GOLIM4: variants seen among roughly 807,000 people sequenced by gnomAD.
The protein encoded by GOLIM4 is 130 kDa golgi-localized phosphoprotein.
A neutral mutation model predicts 107.4 loss-of-function variants in GOLIM4; 71 were observed. The observed-to-expected ratio is 0.66, with a 90% CI of 0.55 to 0.81. GOLIM4 has a LOEUF of 0.81. Ranked by LOEUF, GOLIM4 falls within the 30% of genes least tolerant of loss-of-function variation. The pLI is 0.00. For synonymous variants in GOLIM4, 327 were observed against 294.8 expected, an observed-to-expected ratio of 1.11 and a Z score of -1.12; for missense variants, 830 against 826.1, an observed-to-expected ratio of 1.00 and a Z score of -0.06.
intron 12 of GOLIM4, 52 bp downstream of exon 12, chr3:168,027,676 T>C (rs1451744860): frequency 4.5e-6 from 5 of 1,107,668 alleles, no homozygotes; most frequent in Non-Finnish European, 6.9e-6. Flanking sequence ...TTCAACTCTC[T>C]TTCCCACCTT....
intron 14 of GOLIM4, among the ~76,000 whole-genome samples, chr3:168,023,562 T>A (rs932074819): frequency 6.6e-6 from 1 of 152,198 alleles, no homozygotes; most frequent in Non-Finnish European, 1.5e-5. Flanking sequence ...GCACAGGATC[T>A]CCAGTGATGG....
At chr3:168,076,712 A>G (rs1040904844) in intron 1 of GOLIM4, among the ~76,000 whole-genome samples, 2 of 152,164 alleles carry the variant, frequency 1.3e-5, no homozygotes, top group African/African-American at 4.8e-5. Context: ...CAATCAATCA[A>G]TCAATAAAAT....
intron 14 of GOLIM4, among the ~76,000 whole-genome samples, chr3:168,012,519 G>A (rs1227797886): frequency 7.1e-6 from 1 of 139,884 alleles, no homozygotes; most frequent in Non-Finnish European, 1.5e-5. Flanking sequence ...CCAACGTTCA[G>A]ATTCAGGAAA....
chr3:168,029,016 G>A (rs897264801), intron 11 of GOLIM4, among the ~76,000 whole-genome samples: 1 of 152,154 alleles, frequency 6.6e-6, no homozygotes, highest in East Asian at 1.9e-4. Flanking sequence ...CAGGGAAAAT[G>A]ATAGAGAGGA....
rs766316406 is a variant in GOLIM4, at chr3:168,044,843, T to C, written c.351A>G (p.Gln117=). The change falls in exon 4 of 16, where the codon CAA becomes CAG. Residue 117 remains glutamine (Q), a synonymous_variant. Transcript: ENST00000470487. ...GATTACTCACTTTCAACATCTGATG[T>C]TGGACATTCAGTGCACTGTATCTGC... ...SNSRYSALNV[Q]HQMLKSQHEE... is the part of the protein sequence containing the mutation. 9 of 1,561,506 alleles carry C rather than the reference T, an allele frequency of 5.8e-6. No individual in the cohort carries two copies. The highest frequency in any genetic ancestry group is 7.8e-6 in the Non-Finnish European group (9 of 1,149,064).
chr3:168,024,480 T>C (rs1273026446), intron 14 of GOLIM4, 46 bp downstream of exon 14: 1 of 1,258,180 alleles, frequency 7.9e-7, no homozygotes, highest in Non-Finnish European at 1.2e-6. Context: ...GGTTAGTGTG[T>C]GTGACAGACC....
rs1718082311 is a variant in GOLIM4, at chr3:168,027,801, T to C, written c.1550A>G (p.Glu517Gly). The change falls in exon 12 of 16, where the codon GAA (glutamate) becomes GGA (glycine). Residue 517 changes from glutamate (E) to glycine (G), a missense_variant. By Grantham distance (98) the Glu-to-Gly change is moderately conservative. Coordinates refer to ENST00000470487, the MANE Select transcript of GOLIM4 (RefSeq NM_014498.5). ...CTCATGTCTATTACCTGGATCTCCT[T>C]CTGCTTCATCTTGGTGCTGGTTGTC... ...ERDNQHQDEA[E>G]GDPGNRHEPR... The C allele has an allele frequency of 6.2e-7, 1 of 1,613,426 alleles. No homozygotes were observed. Among genetic ancestry groups the C allele is most frequent in the Non-Finnish European group, 8.5e-7 (1 of 1,179,382 alleles).
chr3:168,045,383 C>T (rs1462599417), intron 3 of GOLIM4, among the ~76,000 whole-genome samples: 2 of 152,042 alleles, frequency 1.3e-5, no homozygotes, highest in Admixed American at 1.3e-4. Flanking sequence ...ATGATTTTAC[C>T]CCAGTGAGGC....
intron 1 of GOLIM4, among the ~76,000 whole-genome samples, chr3:168,056,582 C>G (rs574906467): frequency 1.0e-3 from 153 of 152,296 alleles, no homozygotes; most frequent in African/African-American, 3.6e-3. Flanking sequence ...GCCAAAGGGG[C>G]GGAGCTGCCC....
At chr3:168,051,440 T>C (rs1427118282) in intron 1 of GOLIM4, among the ~76,000 whole-genome samples, 1 of 152,182 alleles carries the variant, frequency 6.6e-6, no homozygotes, top group African/African-American at 2.4e-5. Context: ...AGTTATAAAC[T>C]TTCATAAATA....
At chr3:168,036,487 A>G (rs1577524452) in intron 8 of GOLIM4, among the ~76,000 whole-genome samples, 2 of 152,226 alleles carry the variant, frequency 1.3e-5, no homozygotes, top group Non-Finnish European at 2.9e-5. Context: ...GGTTGCAGTG[A>G]GCTAAGATTG....
chr3:168,056,601 G>A (rs1305787260), intron 1 of GOLIM4, among the ~76,000 whole-genome samples: 2 of 152,202 alleles, frequency 1.3e-5, no homozygotes, highest in African/African-American at 4.8e-5. Flanking sequence ...CCAAGACCAT[G>A]TGAACCCACC....
chr3:168,029,239 G>A lies in GOLIM4; in HGVS notation c.1497C>T (p.Ile499=). Residue 499 remains isoleucine, a synonymous_variant, in exon 11 of 16, where the codon ATC becomes ATT. Transcript: ENST00000470487. ...DIVQGAEDQG[I]QGEEGAYERD... ...TCTCACCACCTCCTTCCTCTCCTTG[G>A]ATTCCCTGGTCCTCTGCTCCCTGAA... 1.9e-6 allele frequency: 3 copies of A among 1,605,602 alleles called. No homozygotes were observed. The East Asian group carries it at 6.7e-5, about 36-fold the overall frequency.
chr3:168,074,552 A>G (rs1720978312), intron 1 of GOLIM4, among the ~76,000 whole-genome samples: 1 of 152,196 alleles, frequency 6.6e-6, no homozygotes, highest in Non-Finnish European at 1.5e-5. Flanking sequence ...GAAGTATAAC[A>G]AAGTAGTAAG....
intron 9 of GOLIM4, among the ~76,000 whole-genome samples, chr3:168,030,323 C>G (rs993259673): frequency 6.6e-6 from 1 of 152,164 alleles, no homozygotes; most frequent in Non-Finnish European, 1.5e-5. Context: ...ATAACAGTTT[C>G]AAACTGTAAA....
At chr3:168,075,666 GC>G (rs1239690867) in intron 1 of GOLIM4, among the ~76,000 whole-genome samples, 1 of 152,034 alleles carries the variant, frequency 6.6e-6, no homozygotes, top group Non-Finnish European at 1.5e-5. Context: ...TTCTGAGCAA[GC>G]CCTGTTCACA....
rs1577588952 is a variant in GOLIM4, at chr3:168,095,553, T to A, written c.-268A>T. 6.7e-6 allele frequency: 3 copies of A among 447,168 alleles called. No homozygotes were observed. Among genetic ancestry groups the A allele is most frequent in the Non-Finnish European group, 1.2e-5 (3 of 252,060 alleles). The allele number at this position is 447,168 out of a possible 1,614,324, so 27.7% of individuals were successfully genotyped here. On this transcript the variant is annotated 5_prime_UTR_variant, in exon 1 of 16. Coordinates refer to ENST00000470487, the MANE Select transcript of GOLIM4 (RefSeq NM_014498.5). The stretch of plus-strand genomic sequence containing the variant: ...AATGCCCGGGGCCGGGAGGAGGCCC[T>A]CCGCATACTTCAGAGCCGGCTGCCC...
At chr3:168,030,859 G>C (rs1718291753) in intron 9 of GOLIM4, among the ~76,000 whole-genome samples, 1 of 152,056 alleles carries the variant, frequency 6.6e-6, no homozygotes, top group South Asian at 2.1e-4. Flanking sequence ...CCTATTACTG[G>C]GCACATATCC....
intron 1 of GOLIM4, among the ~76,000 whole-genome samples, chr3:168,084,012 C>T (rs1721498768): frequency 6.6e-6 from 1 of 152,158 alleles, no homozygotes; most frequent in African/African-American, 2.4e-5. Context: ...GGATCTCTTG[C>T]TGATATGGTT....
Sources: allele counts gnomAD v4.1 joint callset (sites outside exome capture counted in the v4.1 genomes callset), GRCh38; gene constraint gnomAD v4.1.1; transcripts MANE v1.5; gene names NCBI Gene and HGNC (gene_info 2026-07-23, HGNC 2026-07-21).